IGF2BP1: variants seen among roughly 807,000 people sequenced by gnomAD.
IGF2BP1 encodes insulin like growth factor 2 mRNA binding protein 1, also known as insulin-like growth factor 2 mRNA-binding protein 1.
In IGF2BP1, 11 loss-of-function variants were observed where a neutral mutation model predicts 74.9. The observed-to-expected ratio is 0.15, with a 90% confidence interval of 0.09 to 0.24. IGF2BP1 has a LOEUF of 0.24. Among genes scored for constraint, IGF2BP1 ranks in the 10% least tolerant of loss-of-function variants. IGF2BP1 has a pLI of 1.00. For synonymous variants in IGF2BP1, 287 were observed against 281.8 expected (o/e 1.02, Z -0.18); for missense variants, 440 against 757.4 (o/e 0.58, Z 4.92).
intron 4 of IGF2BP1, 70 bp downstream of exon 4, chr17:49,026,587 T>C (rs1034419763): frequency 1.0e-4 from 132 of 1,306,158 alleles, no homozygotes; most frequent in Non-Finnish European, 1.4e-4. Context: ...TTTGTTCTGC[T>C]TCACTTTGTT....
At chr17:49,019,455 A>G (rs2041748058) in intron 2 of IGF2BP1, among the ~76,000 whole-genome samples, 1 of 152,142 alleles carries the variant, frequency 6.6e-6, no homozygotes, top group Admixed American at 6.5e-5. Flanking sequence ...AGCTGGAATT[A>G]CGTCTTTTTA....
In IGF2BP1 at chr17:49,043,494, G is replaced by T; in HGVS notation, c.1144G>T (p.Ala382Ser). The T allele has an allele frequency of 1.2e-6, 2 of 1,614,070 alleles. No homozygotes were observed. The highest frequency in any genetic ancestry group is 1.1e-5 in the South Asian group (1 of 91,068). ...AVGLFPASSS[A>S]VPPPPSSVTG... ...AGGTCTTTTCCCAGCTTCATCCAGC[G>T]CAGTCCCGCCGCCTCCCAGCAGCGT... Residue 382 changes from alanine to serine, a missense_variant, in exon 10 of 15, where the codon GCA (alanine) becomes TCA (serine). Ala to Ser is a moderately conservative substitution (Grantham distance 99). Transcript: ENST00000290341.
intron 3 of IGF2BP1, chr17:49,026,255 G>A (rs2144053386): frequency 2.1e-6 from 1 of 483,000 alleles, no homozygotes; most frequent in Admixed American, 3.5e-5. Context: ...CTTCCCAAAA[G>A]GCCCTTAAGG....
intron 10 of IGF2BP1, 118 bp from the exon 11 acceptor site, chr17:49,043,849 C>T (rs2042080361): frequency 7.1e-7 from 1 of 1,410,444 alleles, no homozygotes; most frequent in Non-Finnish European, 9.6e-7. Context: ...CTTGGCAGCC[C>T]AGGGTGGCGG....
chr17:49,008,571 C>G (rs1466357975), intron 2 of IGF2BP1, among the ~76,000 whole-genome samples: 1 of 152,184 alleles, frequency 6.6e-6, no homozygotes, highest in Non-Finnish European at 1.5e-5. Flanking sequence ...TTCCACTCTT[C>G]TACCCTTTCC....
At chr17:49,046,105 C>A in intron 13 of IGF2BP1, 84 bp downstream of exon 13, 1 of 1,523,976 alleles carries the variant, frequency 6.6e-7, no homozygotes, top group South Asian at 1.2e-5. Context: ...ACTGCTCAAC[C>A]TCAGGACTCC....
chr17:49,035,669 C>T (rs2144101520), intron 5 of IGF2BP1, among the ~76,000 whole-genome samples: 1 of 152,302 alleles, frequency 6.6e-6, no homozygotes, highest in Admixed American at 6.5e-5. Flanking sequence ...AACGGGGATG[C>T]CTTGCCCTCC....
At chr17:49,003,104 GTT>G (rs1450057273) in intron 2 of IGF2BP1, among the ~76,000 whole-genome samples, 1 of 152,188 alleles carries the variant, frequency 6.6e-6, no homozygotes, top group Non-Finnish European at 1.5e-5. Flanking sequence ...ATTGTTAATT[GTT>G]GAAAAGGTAA....
intron 4 of IGF2BP1, 88 bp from the exon 5 acceptor site, chr17:49,031,821 TC>T: frequency 8.4e-7 from 1 of 1,189,400 alleles, no homozygotes. Flanking sequence ...GTCTTCTTGA[TC>T]TCAAAACGTG....
At chr17:48,998,473 A>T (rs921718672) in intron 1 of IGF2BP1, among the ~76,000 whole-genome samples, 1 of 152,116 alleles carries the variant, frequency 6.6e-6, no homozygotes, top group Non-Finnish European at 1.5e-5. Context: ...GGCTTGAGCC[A>T]TTTTGATTTG....
rs1355016643 is a variant in IGF2BP1, at chr17:49,040,019, C to T, written c.746C>T (p.Thr249Ile). 3.7e-6 allele frequency: 6 copies of T among 1,613,614 alleles called. No homozygotes were observed. The African/African-American group carries it at 4.0e-5, about 11-fold the overall frequency. Residue 249 changes from threonine to isoleucine, a missense_variant, in exon 7 of 15, where the codon ACC becomes ATC. Coordinates refer to ENST00000290341, the MANE Select transcript of IGF2BP1 (RefSeq NM_006546.4). ...GAAAAAGCCATCAGTGTGCACTCCACCCCTGAGGGCTGCTCCTCCGCTTGT... is the reference window on the plus strand; with the variant it reads ...GAAAAAGCCATCAGTGTGCACTCCATCCCTGAGGGCTGCTCCTCCGCTTGT... ...AAEKAISVHS[T>I]PEGCSSACKM...
chr17:48,999,921 A>G (rs1404825698), intron 2 of IGF2BP1, among the ~76,000 whole-genome samples: 1 of 106,380 alleles, frequency 9.4e-6, no homozygotes, highest in South Asian at 3.7e-4. Flanking sequence ...CCGTGGATGA[A>G]TGGTGTGTGT....
intron 2 of IGF2BP1, among the ~76,000 whole-genome samples, chr17:49,009,447 T>C (rs1035373714): frequency 6.6e-6 from 1 of 151,960 alleles, no homozygotes; most frequent in Non-Finnish European, 1.5e-5. Context: ...CAGTGGCTCA[T>C]GCCTGTAATC....
rs2042012503 is a variant in IGF2BP1, at chr17:49,038,411, G to A, written c.645G>A (p.Gly215=). 3.8e-6 allele frequency: 6 copies of A among 1,576,384 alleles called. No homozygotes were observed. Among genetic ancestry groups the A allele is most frequent in the Non-Finnish European group, 5.2e-6 (6 of 1,160,902 alleles). Reference sequence around the variant, plus strand: ...TGGGTGCCATTATTGGCAAGGAGGGGGCCACCATCCGCAACATCACAAAAC... The same window carrying A: ...TGGGTGCCATTATTGGCAAGGAGGGAGCCACCATCCGCAACATCACAAAAC... ...QYVGAIIGKE[G]ATIRNITKQT... is the part of the protein sequence containing the mutation. The change falls in exon 6 of 15, where the codon GGG becomes GGA. Residue 215 remains glycine, a synonymous_variant. Transcript: ENST00000290341.
intron 2 of IGF2BP1, among the ~76,000 whole-genome samples, chr17:49,011,154 A>C (rs1455281312): frequency 5.7e-4 from 85 of 149,698 alleles, no homozygotes; most frequent in Admixed American, 1.7e-3. Context: ...AAAAAAAAAA[A>C]AAAAAAAAAA....
At chr17:49,048,491 G>C (rs1200357157) in intron 14 of IGF2BP1, among the ~76,000 whole-genome samples, 2 of 152,028 alleles carry the variant, frequency 1.3e-5, no homozygotes, top group Non-Finnish European at 2.9e-5. Context: ...GACCTCAGGT[G>C]ATTCACCCGC....
At chr17:49,027,070 A>T (rs9912906) in intron 4 of IGF2BP1, among the ~76,000 whole-genome samples, 51,347 of 152,100 alleles carry the variant, frequency 0.34, 9,205 homozygotes, top group African/African-American at 0.42. Flanking sequence ...TCAAATCTAC[A>T]TTGAAAACCA....
rs111662049 is a variant in IGF2BP1, at chr17:49,050,455, G to A, written c.*1011G>A. On this transcript the variant is annotated 3_prime_UTR_variant, in exon 15 of 15. Transcript: ENST00000290341. ...CTTGAGTGGCCCCAAAGGCTGCCAC[G>A]GTGCCCTCACCCCAGCCCATGTGCT... The A allele has an allele frequency of 2.0e-5, 3 of 152,094 alleles. No homozygotes were observed. The highest frequency in any genetic ancestry group is 6.6e-5 in the Admixed American group (1 of 15,256). The allele number at this position is 152,094 out of a possible 1,614,324, so 9.4% of individuals were successfully genotyped here.
At chr17:49,026,543 G>A (rs1231588751) in intron 4 of IGF2BP1, 26 bp downstream of exon 4, 2 of 1,608,048 alleles carry the variant, frequency 1.2e-6, no homozygotes, top group Non-Finnish European at 1.7e-6. Context: ...GTGTGGGGTG[G>A]CACTCGTGGT....
Sources: allele counts gnomAD v4.1 joint callset (sites outside exome capture counted in the v4.1 genomes callset), GRCh38; gene constraint gnomAD v4.1.1; transcripts MANE v1.5; gene names NCBI Gene and HGNC (gene_info 2026-07-23, HGNC 2026-07-21).